The following SPRED2 variants were observed in gnomAD, a reference collection of about 807,000 sequenced individuals.
SPRED2 encodes sprouty related EVH1 domain containing 2.
Under a neutral mutation model 43.0 loss-of-function variants are expected in SPRED2, and 47 were observed. The observed-to-expected ratio is 1.09, with a 90% CI of 0.87 to 1.40. The LOEUF (loss-of-function observed/expected upper bound fraction) is 1.40. Ranked by LOEUF, SPRED2 falls within the 40% of genes most tolerant of loss-of-function variation. The probability of loss-of-function intolerance (pLI) is 0.00; values close to 1 mark genes in which losing one functional copy is unlikely to be tolerated. For missense variants in SPRED2, 561 were observed against 586.4 expected, an observed-to-expected ratio of 0.96 and a Z score of 0.45; for synonymous variants, 225 against 225.7, an observed-to-expected ratio of 1.00 and a Z score of 0.03.
chr2:65,315,631 A>C (rs1177099447), intron 5 of SPRED2, among the ~76,000 whole-genome samples: 1 of 152,204 alleles, frequency 6.6e-6, no homozygotes, highest in Non-Finnish European at 1.5e-5. Context: ...AAAAAAGTTA[A>C]TTTCCATCTA....
At chr2:65,324,197 A>G (rs540542836) in intron 4 of SPRED2, among the ~76,000 whole-genome samples, 5 of 152,262 alleles carry the variant, frequency 3.3e-5, no homozygotes, top group South Asian at 4.1e-4. Context: ...GCCAGATTCT[A>G]TAGACACAGG....
intron 1 of SPRED2, among the ~76,000 whole-genome samples, chr2:65,430,610 C>A (rs1481080522): frequency 6.6e-6 from 1 of 152,144 alleles, no homozygotes. Context: ...TCAATGCCTG[C>A]GGGGGGCAAA....
At position 65,382,832 on chromosome 2, in the gene SPRED2, G is replaced by A. The variant is rs1351228371; in HGVS notation, c.27-37936C>T. Among the ~76,000 whole-genome samples, 5 of 152,158 alleles carry A rather than the reference G, an allele frequency of 3.3e-5. No individual in the cohort carries two copies. The East Asian group carries it at 9.6e-4, about 29-fold the overall frequency. ...CTCATTTCCAGGTTCAACAGCCCAG[G>A]TGGCAAGGACTACATACTTGACAGT... On this transcript the variant is annotated intron_variant, in intron 1 of 5. Coordinates refer to ENST00000356388, the MANE Select transcript of SPRED2 (RefSeq NM_181784.3).
intron 2 of SPRED2, among the ~76,000 whole-genome samples, chr2:65,340,305 GT>G (rs1674140332): frequency 6.6e-6 from 1 of 152,194 alleles, no homozygotes; most frequent in Admixed American, 6.5e-5. Flanking sequence ...ATCTCTGTGT[GT>G]TTAAGTCTTT....
intron 2 of SPRED2, among the ~76,000 whole-genome samples, chr2:65,342,529 AT>A (rs1026427137): frequency 6.6e-6 from 1 of 151,688 alleles, no homozygotes; most frequent in Non-Finnish European, 1.5e-5. Context: ...GTTAAAGGAA[AT>A]TCTAATACTG....
chr2:65,331,102 C>T (rs1346722300), intron 4 of SPRED2, among the ~76,000 whole-genome samples: 1 of 152,104 alleles, frequency 6.6e-6, no homozygotes, highest in East Asian at 1.9e-4. Flanking sequence ...TGGGTCAAGG[C>T]CCAGAATTTG....
intron 1 of SPRED2, among the ~76,000 whole-genome samples, chr2:65,394,916 G>A (rs991440155): frequency 6.6e-6 from 1 of 152,172 alleles, no homozygotes; most frequent in Admixed American, 6.5e-5. Flanking sequence ...GCAAATGTAT[G>A]CTAATTGTAG....
intron 1 of SPRED2, among the ~76,000 whole-genome samples, chr2:65,347,641 A>G (rs1392290722): frequency 1.3e-5 from 2 of 152,084 alleles, no homozygotes; most frequent in Non-Finnish European, 1.5e-5. Flanking sequence ...GCTAGGGCCA[A>G]CTTCCTCCAC....
At chr2:65,422,108 T>A (rs58485470) in intron 1 of SPRED2, among the ~76,000 whole-genome samples, 19,300 of 61,030 alleles carry the variant, frequency 0.32, 1,941 homozygotes, top group East Asian at 0.59. Context: ...ACACACACTC[T>A]CTCTCTCTCT....
At chr2:65,372,523 C>T (rs568020161) in intron 1 of SPRED2, among the ~76,000 whole-genome samples, 1 of 152,194 alleles carries the variant, frequency 6.6e-6, no homozygotes, top group South Asian at 2.1e-4. Context: ...CCAGTTTCCC[C>T]TTAAAGCCTG....
intron 1 of SPRED2, among the ~76,000 whole-genome samples, chr2:65,384,540 T>C (rs1025929928): frequency 7.9e-5 from 12 of 152,226 alleles, no homozygotes; most frequent in Non-Finnish European, 1.5e-4. Flanking sequence ...TTAAACCAAG[T>C]GTGGGGCCCT....
chr2:65,391,669 T>C (rs1675638764), intron 1 of SPRED2, among the ~76,000 whole-genome samples: 1 of 152,238 alleles, frequency 6.6e-6, no homozygotes, highest in Non-Finnish European at 1.5e-5. Context: ...ACTTGACTAT[T>C]ATCTTTAAGT....
chr2:65,371,419 T>C (rs1253082190), intron 1 of SPRED2, among the ~76,000 whole-genome samples: 1 of 152,218 alleles, frequency 6.6e-6, no homozygotes, highest in Admixed American at 6.5e-5. Flanking sequence ...TTTCTGGTGG[T>C]CACTTGCTGC....
At chr2:65,324,533 G>A (rs1010423620) in intron 4 of SPRED2, among the ~76,000 whole-genome samples, 2 of 152,150 alleles carry the variant, frequency 1.3e-5, no homozygotes, top group African/African-American at 4.8e-5. Context: ...AGCCTTTTTT[G>A]TACAATATGA....
At chr2:65,427,914 T>C (rs948605993) in intron 1 of SPRED2, among the ~76,000 whole-genome samples, 1 of 152,202 alleles carries the variant, frequency 6.6e-6, no homozygotes, top group African/African-American at 2.4e-5. Flanking sequence ...CAGGATGACC[T>C]TGAGGAAAGG....
Position 65,344,886 on chromosome 2 carries a change from T to C in SPRED2, c.37A>G (p.Ile13Val), listed in dbSNP as rs1572856659. 2.5e-6 allele frequency: 4 copies of C among 1,613,390 alleles called. No homozygotes were observed. Among genetic ancestry groups the C allele is most frequent in the Non-Finnish European group, 2.5e-6 (3 of 1,179,478 alleles). Residue 13 changes from isoleucine (I) to valine (V), a missense_variant, in exon 2 of 6, where the codon ATT becomes GTT. Physicochemically the swap from Ile to Val is conservative, Grantham distance 29. Transcript: ENST00000356388. ...EETHPDDDSYIVRVKAVVMTR... is the reference protein window; with the variant it reads ...EETHPDDDSYVVRVKAVVMTR... ...ATAACCACAGCCTTGACACGCACAA[T>C]ATAGCTGTCACTAAAACGACAAGAA...
At chr2:65,401,937 G>GTGCGCGCGCGCACACACACACA (rs1553426614) in intron 1 of SPRED2, among the ~76,000 whole-genome samples, 14 of 114,712 alleles carry the variant, frequency 1.2e-4, no homozygotes, top group African/African-American at 4.7e-4. Context: ...GCGCGCGCGC[G>GTGCGCGCGCGCACACACACACA]CACACACACA....
chr2:65,410,387 T>A (rs1156511926), intron 1 of SPRED2, among the ~76,000 whole-genome samples: 1 of 152,202 alleles, frequency 6.6e-6, no homozygotes, highest in Non-Finnish European at 1.5e-5. Context: ...GGCATCTGAT[T>A]ATACCTCTCA....
chr2:65,317,266 A>G (rs1673268318), intron 4 of SPRED2, among the ~76,000 whole-genome samples: 1 of 152,234 alleles, frequency 6.6e-6, no homozygotes, highest in Admixed American at 6.5e-5. Context: ...TAATCCCAGC[A>G]CTTTGGGAGG....
Sources: gnomAD v4.1 joint callset for allele counts (sites outside exome capture counted in the v4.1 genomes callset) on GRCh38, gnomAD v4.1.1 for gene constraint, MANE v1.5 for transcripts, NCBI Gene and HGNC (gene_info 2026-07-23, HGNC 2026-07-21) for gene names.